The following GNB1L variants were observed in gnomAD, a reference collection of about 807,000 sequenced individuals.
The protein encoded by GNB1L is G protein subunit beta 1 like.
Under a neutral mutation model 29.1 loss-of-function variants are expected in GNB1L, and 20 were observed. That is an observed-to-expected ratio of 0.69 (90% confidence interval 0.48 to 1.00). GNB1L has a LOEUF of 1.00. Among genes scored for constraint, GNB1L ranks in the 50% least tolerant of loss-of-function variants. The pLI, the probability that GNB1L is intolerant of heterozygous loss-of-function variation, is 0.00. For synonymous variants in GNB1L, 193 were observed against 206.5 expected, an observed-to-expected ratio of 0.93 and a Z score of 0.56; for missense variants, 421 against 464.9, an observed-to-expected ratio of 0.91 and a Z score of 0.87.
At chr22:19,822,807 C>T (rs1015450649) in intron 2 of GNB1L, among the ~76,000 whole-genome samples, 20 of 152,186 alleles carry the variant, frequency 1.3e-4, no homozygotes, top group African/African-American at 4.3e-4. Flanking sequence ...GGCAGGAGTG[C>T]TGTGGATGTC....
At chr22:19,839,486 C>T (rs1297136509) in intron 2 of GNB1L, among the ~76,000 whole-genome samples, 1 of 152,108 alleles carries the variant, frequency 6.6e-6, no homozygotes, top group African/African-American at 2.4e-5. Flanking sequence ...GTTCATGCCT[C>T]TAATCCCAGT....
intron 7 of GNB1L, among the ~76,000 whole-genome samples, chr22:19,797,039 C>G (rs1319302179): frequency 6.6e-6 from 1 of 152,146 alleles, no homozygotes; most frequent in Non-Finnish European, 1.5e-5. Flanking sequence ...CAGACAAATT[C>G]CTAGAAAAAT....
intron 4 of GNB1L, among the ~76,000 whole-genome samples, chr22:19,817,012 A>G (rs1176857856): frequency 8.5e-5 from 13 of 152,244 alleles, no homozygotes. Context: ...TGCACACCGT[A>G]GTGAATTCCA....
chr22:19,847,813 A>G, intron 2 of GNB1L: 1 of 938,558 alleles, frequency 1.1e-6, no homozygotes. Flanking sequence ...GCAAAAAAAA[A>G]AAAAAAAAAA....
At chr22:19,798,689 C>T (rs1671608700) in intron 7 of GNB1L, among the ~76,000 whole-genome samples, 1 of 152,092 alleles carries the variant, frequency 6.6e-6, no homozygotes, top group African/African-American at 2.4e-5. Context: ...CAGGAGCGAC[C>T]CCACACCCAC....
At chr22:19,793,939 T>C (rs960496320) in intron 7 of GNB1L, among the ~76,000 whole-genome samples, 1 of 152,044 alleles carries the variant, frequency 6.6e-6, no homozygotes, top group African/African-American at 2.4e-5. Context: ...GGCAAAGGGG[T>C]GAGTAAATGT....
intron 6 of GNB1L, among the ~76,000 whole-genome samples, chr22:19,805,887 T>G (rs1267021295): frequency 6.6e-6 from 1 of 152,228 alleles, no homozygotes; most frequent in East Asian, 1.9e-4. Context: ...CCGAGGCAGC[T>G]CAGGGCTGAG....
chr22:19,846,837 A>G (rs1937972967), intron 2 of GNB1L: 2 of 830,854 alleles, frequency 2.4e-6, no homozygotes, highest in South Asian at 1.1e-4. Context: ...TCAGGCTTCT[A>G]GCTCCAGAAT....
At chr22:19,827,715 A>T (rs1308420797) in intron 2 of GNB1L, among the ~76,000 whole-genome samples, 1 of 152,238 alleles carries the variant, frequency 6.6e-6, no homozygotes, top group East Asian at 1.9e-4. Context: ...GACAGAGGAC[A>T]ACTGGAACCT....
rs527346167 is a variant in GNB1L at position 19,816,647 on chromosome 22, C to A, written c.254+3951G>T. ...CACCACACACCTCATACACACCTCA[C>A]ATACATACACACCACACAGGCACCT... On this transcript the variant is annotated intron_variant, in intron 4 of 7. Transcript: ENST00000329517. This position sits in a 1 kb window ranked among gnomAD's most constrained non-coding sequence, Gnocchi z 4.4. 6.6e-6 allele frequency among the ~76,000 whole-genome samples: 1 copy of A among 152,108 alleles called. No homozygotes were observed. Among genetic ancestry groups the A allele is most frequent in the Non-Finnish European group, 1.5e-5 (1 of 67,990 alleles).
chr22:19,817,778 G>A (rs1156833129), intron 4 of GNB1L, among the ~76,000 whole-genome samples: 3 of 152,194 alleles, frequency 2.0e-5, no homozygotes, highest in Admixed American at 6.5e-5. Flanking sequence ...GGGGCCCTGC[G>A]CTCTACTTCT....
Position 19,788,762 on chromosome 22 carries a change from C to G in GNB1L, c.931G>C (p.Ala311Pro). ...VAFTADGLLAAGSKDQRISLW... is the reference protein window; with the variant it reads ...VAFTADGLLAPGSKDQRISLW... ...CTGATCCGCTGATCCTTGGAGCCCG[C>G]GGCCAGCAAGCCATCGGCGGTGAAG... Residue 311 changes from alanine (A) to proline (P), a missense_variant, in exon 8 of 8, where the codon GCG becomes CCG. Coordinates refer to ENST00000329517, the MANE Select transcript of GNB1L (RefSeq NM_053004.3). 6.2e-7 allele frequency: 1 copy of G among 1,611,880 alleles called. No homozygotes were observed. The highest frequency in any genetic ancestry group is 8.5e-7 in the Non-Finnish European group (1 of 1,179,256).
At chr22:19,844,994 C>A (rs1233694838) in intron 2 of GNB1L, among the ~76,000 whole-genome samples, 2 of 152,202 alleles carry the variant, frequency 1.3e-5, no homozygotes, top group Non-Finnish European at 2.9e-5. Flanking sequence ...TGCCCCTGGC[C>A]TCGGGGATGG....
In GNB1L at chr22:19,812,439, CG is replaced by C. The variant is rs750053445; in HGVS notation, c.262del (p.Arg88GlyfsTer3). On this transcript the variant is annotated frameshift_variant, in exon 5 of 8. Transcript: ENST00000329517. LOFTEE classifies it high-confidence loss of function. ...PQGRQLLSQG[R>X]DLKLCLWDLA... ...GTCCCACAGGCACAGCTTCAGGTCC[CG>C]GCCCTGACTGCCAGACAAAGAGGAG... is the stretch of plus-strand genomic sequence containing the variant. 17 of 1,611,782 alleles carry C rather than the reference CG, an allele frequency of 1.1e-5. No homozygotes were observed. The Admixed American group carries it at 2.3e-4, about 22-fold the overall frequency.
At position 19,799,671 on chromosome 22, in the gene GNB1L, C is replaced by T. The variant is rs146885753; in HGVS notation, c.732+2330G>A. On this transcript the variant is annotated intron_variant, in intron 7 of 7. Transcript: ENST00000329517. Reference sequence around the variant, plus strand: ...CTTCGGCAGGAGGGTGTGAGGGGGACACAGCCGTGCCCACGTGGCTCTCAG... The same window carrying T: ...CTTCGGCAGGAGGGTGTGAGGGGGATACAGCCGTGCCCACGTGGCTCTCAG... Among the ~76,000 whole-genome samples, 160 of 152,318 alleles carry T rather than the reference C, an allele frequency of 1.1e-3. 2 individuals are homozygous for T. The highest frequency in any genetic ancestry group is 3.8e-3 in the African/African-American group (156 of 41,574).
intron 7 of GNB1L, among the ~76,000 whole-genome samples, chr22:19,796,830 G>C (rs1247896594): frequency 6.6e-6 from 1 of 152,148 alleles, no homozygotes; most frequent in Non-Finnish European, 1.5e-5. Flanking sequence ...TGCAACCCAG[G>C]GGACATGGGA....
intron 2 of GNB1L, chr22:19,849,863 G>C (rs750289417): frequency 2.0e-6 from 2 of 985,400 alleles, no homozygotes; most frequent in Non-Finnish European, 2.4e-6. Flanking sequence ...GCACACACTG[G>C]GCGGCTGTAC....
chr22:19,827,984 A>AT (rs1937633005), intron 2 of GNB1L, among the ~76,000 whole-genome samples: 1 of 152,246 alleles, frequency 6.6e-6, no homozygotes, highest in African/African-American at 2.4e-5. Context: ...AATACTCCAC[A>AT]GAACTGAAAA....
chr22:19,797,157 C>T (rs1334233016), intron 7 of GNB1L, among the ~76,000 whole-genome samples: 1 of 152,078 alleles, frequency 6.6e-6, no homozygotes, highest in Non-Finnish European at 1.5e-5. Context: ...TCACTCACGA[C>T]CCCCCACCTC....
Sources: allele counts gnomAD v4.1 joint callset (sites outside exome capture counted in the v4.1 genomes callset), GRCh38; gene constraint gnomAD v4.1.1; non-coding constraint Gnocchi (gnomAD v3.1); transcripts MANE v1.5; gene names NCBI Gene and HGNC (gene_info 2026-07-23, HGNC 2026-07-21).